The following AAK1 variants were observed in gnomAD, a reference collection of about 807,000 sequenced individuals.
The protein encoded by AAK1 is AP2 associated kinase 1, also known as AP2-associated protein kinase 1.
AAK1 carries 37 observed loss-of-function variants against 116.0 expected under a neutral mutation model. The ratio of observed to expected loss-of-function variants is 0.32; its 90% confidence interval spans 0.25 to 0.42. The LOEUF is 0.42. AAK1 is among the 10% of genes least tolerant of loss of function. The pLI is 1.00. For synonymous variants in AAK1, 458 were observed against 439.9 expected (o/e 1.04, Z -0.51); for missense variants, 919 against 1,170.6 (o/e 0.79, Z 3.14).
rs368359124 is a variant in AAK1, at chr2:69,625,909, T to C, written c.163+16969A>G. The stretch of plus-strand genomic sequence containing the variant: ...AAGGAACTCCTCCATATCCTTTCCC[T>C]ACTCTTCTTAAATCCAATTCAACTC... On this transcript the variant is annotated intron_variant, in intron 2 of 21. Coordinates refer to ENST00000409085, the MANE Select transcript of AAK1 (RefSeq NM_014911.5). 1.4e-4 allele frequency among the ~76,000 whole-genome samples: 21 copies of C among 152,290 alleles called. No individual in the cohort carries two copies. In the East Asian group the frequency reaches 3.3e-3, roughly 24 times the overall value.
At chr2:69,541,921 A>G (rs1200238903) in intron 5 of AAK1, among the ~76,000 whole-genome samples, 1 of 152,248 alleles carries the variant, frequency 6.6e-6, no homozygotes, top group Non-Finnish European at 1.5e-5. Flanking sequence ...CAAGTCACAT[A>G]ACCTCTCTGC....
chr2:69,477,023 C>T, intron 20 of AAK1, 33 bp from the exon 21 acceptor site: 1 of 1,451,534 alleles, frequency 6.9e-7, no homozygotes, highest in Non-Finnish European at 9.6e-7. Context: ...CAAGCAGAAA[C>T]AACAGAGGCA....
chr2:69,628,125 T>C (rs1674989988), intron 2 of AAK1, among the ~76,000 whole-genome samples: 1 of 152,204 alleles, frequency 6.6e-6, no homozygotes, highest in Admixed American at 6.5e-5. Context: ...GGACCATACG[T>C]AGGCCAAGGT....
intron 2 of AAK1, among the ~76,000 whole-genome samples, chr2:69,570,156 C>T (rs1572966640): frequency 6.6e-6 from 1 of 152,124 alleles, no homozygotes; most frequent in African/African-American, 2.4e-5. Flanking sequence ...CACTCAGCCT[C>T]ATCTCTCAAT....
rs555513279 is a variant in AAK1 at position 69,556,117 on chromosome 2, T to C, written c.282+743A>G. On this transcript the variant is annotated intron_variant, in intron 3 of 21. Transcript: ENST00000409085. Reference sequence around the variant, plus strand: ...TTTAAGAATTGAAGTCTAATTAACATAACAAAATGTGCAGATTTTAAGGTG... The same window carrying C: ...TTTAAGAATTGAAGTCTAATTAACACAACAAAATGTGCAGATTTTAAGGTG... Among the ~76,000 whole-genome samples the C allele has an allele frequency of 1.3e-3, 194 of 152,324 alleles. 1 individual carries two copies. The highest frequency in any genetic ancestry group is 4.5e-3 in the African/African-American group (187 of 41,578).
Position 69,604,095 on chromosome 2 carries a change from G to C in AAK1, c.163+38783C>G, listed in dbSNP as rs575416783. Among the ~76,000 whole-genome samples, 22 of 152,316 alleles carry C rather than the reference G, an allele frequency of 1.4e-4. 1 individual carries two copies. In the South Asian group the frequency reaches 4.1e-3, roughly 29 times the overall value. ...TCCCTTCAGAACAACCAGAGCTCAA[G>C]GCTGCAGTAACCTGACTCTCCAGTG... is the stretch of plus-strand genomic sequence containing the variant. On this transcript the variant is annotated intron_variant, in intron 2 of 21. Coordinates refer to ENST00000409085, the MANE Select transcript of AAK1 (RefSeq NM_014911.5).
chr2:69,637,575 A>G (rs569861819), intron 2 of AAK1, among the ~76,000 whole-genome samples: 2 of 152,290 alleles, frequency 1.3e-5, no homozygotes, highest in South Asian at 4.2e-4. Flanking sequence ...GCTAGATGCT[A>G]CTTTAATAGA....
At chr2:69,499,227 A>C (rs1336659502) in intron 16 of AAK1, among the ~76,000 whole-genome samples, 1 of 151,840 alleles carries the variant, frequency 6.6e-6, no homozygotes, top group Non-Finnish European at 1.5e-5. Context: ...TGTTCTTTGG[A>C]CTCTGAATTC....
intron 15 of AAK1, among the ~76,000 whole-genome samples, chr2:69,505,905 A>C (rs897853891): frequency 3.3e-5 from 5 of 152,218 alleles, no homozygotes; most frequent in Non-Finnish European, 7.3e-5. Flanking sequence ...AGTTTTGCAA[A>C]ATGAAAAGCG....
intron 5 of AAK1, among the ~76,000 whole-genome samples, chr2:69,541,227 C>CTTTTTT (rs545915571): frequency 8.0e-6 from 1 of 125,298 alleles, no homozygotes; most frequent in Admixed American, 8.0e-5. Flanking sequence ...TTTTATACTT[C>CTTTTTT]TTTTTTTTTT....
chr2:69,549,725 C>G (rs966978921), intron 3 of AAK1, among the ~76,000 whole-genome samples: 4 of 152,208 alleles, frequency 2.6e-5, no homozygotes, highest in Admixed American at 6.5e-5. Flanking sequence ...TAAGTCTTTT[C>G]CACTCATGCT....
intron 2 of AAK1, among the ~76,000 whole-genome samples, chr2:69,630,086 G>A (rs914845889): frequency 6.6e-6 from 1 of 152,204 alleles, no homozygotes; most frequent in South Asian, 2.1e-4. Flanking sequence ...CGCAGGCCTG[G>A]TGGAAGCAGC....
At chr2:69,570,423 A>G (rs1672048404) in intron 2 of AAK1, among the ~76,000 whole-genome samples, 1 of 151,974 alleles carries the variant, frequency 6.6e-6, no homozygotes. Flanking sequence ...TGTTGCACTT[A>G]TCATAATGTA....
chr2:69,643,288 G>C lies in AAK1; in HGVS notation c.-234-14C>G. ...GTAAGTTTAAACCTGTGATGACAGA[G>C]GAAGAAAGAGAGGATGAATCAGTAA... is the stretch of plus-strand genomic sequence containing the variant. On this transcript the variant is annotated splice_polypyrimidine_tract_variant and intron_variant, in intron 1 of 21. Transcript: ENST00000409085. 7 of 1,372,844 alleles carry C rather than the reference G, an allele frequency of 5.1e-6. No homozygotes were observed. Among genetic ancestry groups the C allele is most frequent in the Non-Finnish European group, 5.6e-6 (6 of 1,070,838 alleles). The allele number at this position is 1,372,844 out of a possible 1,614,324, so 85.0% of individuals were successfully genotyped here. A position where few individuals can be genotyped will look rare whatever the true frequency, so the allele number is the denominator to read the frequency against.
chr2:69,469,080 C>T lies in AAK1; in HGVS notation c.*6789G>A. 1 of 985,426 alleles carries T rather than the reference C, an allele frequency of 1.0e-6. No homozygotes were observed. The highest frequency in any genetic ancestry group is 1.2e-6 in the Non-Finnish European group (1 of 829,936). 61.0% of individuals were successfully genotyped at this position (985,426 alleles called of 1,614,324 possible). On this transcript the variant is annotated 3_prime_UTR_variant, in exon 22 of 22. Transcript: ENST00000409085. ...TTTCCTATCTTTCTTTCAGCATCAA[C>T]AGGCTTTGTAGGAATGGAAAAGTAC...
Position 69,468,765 on chromosome 2 carries a change from G to C in AAK1, c.*7104C>G. 1 of 985,422 alleles carries C rather than the reference G, an allele frequency of 1.0e-6. No homozygotes were observed. The highest frequency in any genetic ancestry group is 1.2e-6 in the Non-Finnish European group (1 of 829,926). The allele number at this position is 985,422 out of a possible 1,614,324, so 61.0% of individuals were successfully genotyped here. On this transcript the variant is annotated 3_prime_UTR_variant, in exon 22 of 22. Coordinates refer to ENST00000409085, the MANE Select transcript of AAK1 (RefSeq NM_014911.5). ...TGCTAGATTACATTTTGAGAACTAG[G>C]AAGTACCAAGGGGTGTGTGTATGTG...
At chr2:69,476,815 G>C (rs1002836937) in intron 21 of AAK1, 65 bp downstream of exon 21, 1 of 1,113,196 alleles carries the variant, frequency 9.0e-7, no homozygotes, top group African/African-American at 1.6e-5. Flanking sequence ...TTGCAGATTA[G>C]GTGCATGACT....
intron 3 of AAK1, among the ~76,000 whole-genome samples, chr2:69,552,956 T>C (rs1035411793): frequency 3.3e-5 from 5 of 151,928 alleles, no homozygotes; most frequent in East Asian, 1.9e-4. Context: ...GGTTGGAATA[T>C]AGAGGTGAGG....
chr2:69,512,030 T>G (rs1313201365), intron 13 of AAK1, among the ~76,000 whole-genome samples: 5 of 152,170 alleles, frequency 3.3e-5, no homozygotes, highest in African/African-American at 1.2e-4. Flanking sequence ...CAAATGCTCA[T>G]TCAAGGTCAC....
Sources: gnomAD v4.1 joint callset for allele counts (sites outside exome capture counted in the v4.1 genomes callset) on GRCh38, gnomAD v4.1.1 for gene constraint, MANE v1.5 for transcripts, NCBI Gene and HGNC (gene_info 2026-07-23, HGNC 2026-07-21) for gene names.